ADAMTS9: variants seen among roughly 807,000 people sequenced by gnomAD.
ADAMTS9 encodes ADAM metallopeptidase with thrombospondin type 1 motif 9.
A neutral mutation model predicts 257.1 loss-of-function variants in ADAMTS9; 107 were observed. The observed-to-expected ratio is 0.42, with a 90% CI of 0.36 to 0.49. The LOEUF (loss-of-function observed/expected upper bound fraction) is 0.49, where lower values mean the gene tolerates loss of function less well. Ranked by LOEUF, ADAMTS9 falls within the 20% of genes least tolerant of loss-of-function variation. The probability of loss-of-function intolerance (pLI) is 0.03; values close to 1 mark genes in which losing one functional copy is unlikely to be tolerated. For missense variants in ADAMTS9, 2,353 were observed against 2,469.1 expected (o/e 0.95, Z 1.00); for synonymous variants, 982 against 880.9 (o/e 1.11, Z -2.03).
chr3:64,539,284 T>C lies in ADAMTS9; in HGVS notation c.5532A>G (p.Leu1844=). Reference sequence around the variant, plus strand: ...GTCCTTCGCTTGTCCTTGCAAACTGTAAGTCAGTGGCTGTGGGGTGGAGAA... The same window carrying C: ...GTCCTTCGCTTGTCCTTGCAAACTGCAAGTCAGTGGCTGTGGGGTGGAGAA... ...LTSMQIITTD[L]QFARTSEGHP... is the part of the protein sequence containing the mutation. Residue 1844 remains leucine (L), a synonymous_variant, in exon 37 of 40, where the codon TTA becomes TTG. Coordinates refer to ENST00000498707, the MANE Select transcript of ADAMTS9 (RefSeq NM_182920.2). 1.2e-6 allele frequency: 2 copies of C among 1,613,776 alleles called. No homozygotes were observed. Among genetic ancestry groups the C allele is most frequent in the Non-Finnish European group, 1.7e-6 (2 of 1,179,860 alleles).
chr3:64,619,476 T>G (rs1175547938), intron 19 of ADAMTS9, among the ~76,000 whole-genome samples: 1 of 152,154 alleles, frequency 6.6e-6, no homozygotes, highest in Non-Finnish European at 1.5e-5. Flanking sequence ...CACTAACTCG[T>G]TGTGTGAGCT....
At chr3:64,570,786 A>T (rs1007974402) in intron 28 of ADAMTS9, among the ~76,000 whole-genome samples, 1 of 150,642 alleles carries the variant, frequency 6.6e-6, no homozygotes, top group East Asian at 2.0e-4. Context: ...GGGCAGTATC[A>T]GGGATAACTT....
chr3:64,559,579 C>T (rs2083386578), intron 30 of ADAMTS9, among the ~76,000 whole-genome samples: 1 of 152,150 alleles, frequency 6.6e-6, no homozygotes, highest in Non-Finnish European at 1.5e-5. Context: ...AGGCCCAGGC[C>T]AGGTTATCTC....
chr3:64,581,197 T>C (rs914252500), intron 28 of ADAMTS9, among the ~76,000 whole-genome samples: 1 of 152,102 alleles, frequency 6.6e-6, no homozygotes, highest in Non-Finnish European at 1.5e-5. Flanking sequence ...ATTTGGCCAA[T>C]TGCAAATGGG....
In ADAMTS9 at chr3:64,596,840, T is replaced by C. The variant is rs753062307; in HGVS notation, c.4169A>G (p.Asn1390Ser). ...SGPCPQWAYG[N>S]WGECTKLCGG... ...ATAGTTCACTCTCACCTCTCCCCAG[T>C]TGCCATAAGCCCACTGAGGACAAGG... is the stretch of plus-strand genomic sequence containing the variant. The change falls in exon 27 of 40, where the codon AAC becomes AGC. Residue 1390 changes from asparagine (N) to serine (S), a missense_variant. By Grantham distance (46) the Asn-to-Ser change is conservative (BLOSUM62 1). Around this residue, in one of 3 missense-constraint regions of ADAMTS9, gnomAD observed 1,402 missense variants for 1,441.4 expected, o/e 0.97. Coordinates refer to ENST00000498707, the MANE Select transcript of ADAMTS9 (RefSeq NM_182920.2). The C allele has an allele frequency of 6.2e-6, 10 of 1,613,876 alleles. No individual in the cohort carries two copies. The highest frequency in any genetic ancestry group is 3.3e-5 in the Admixed American group (2 of 59,996).
At chr3:64,623,550 T>C (rs1368145744) in intron 16 of ADAMTS9, among the ~76,000 whole-genome samples, 1 of 152,196 alleles carries the variant, frequency 6.6e-6, no homozygotes, top group Non-Finnish European at 1.5e-5. Context: ...ATTCCTTACA[T>C]GAGAAACTGA....
intron 8 of ADAMTS9, 95 bp from the exon 9 acceptor site, chr3:64,651,258 A>G (rs1700925106): frequency 1.8e-6 from 2 of 1,120,068 alleles, no homozygotes; most frequent in Non-Finnish European, 2.5e-6. Context: ...AAGAGAAAAA[A>G]ATTTAACTTC....
chr3:64,661,979 T>G (rs113787903), intron 3 of ADAMTS9, among the ~76,000 whole-genome samples: 84 of 151,982 alleles, frequency 5.5e-4, no homozygotes, highest in African/African-American at 2.0e-3. Flanking sequence ...TTTAACTTGC[T>G]CTTTTCTTTC....
chr3:64,636,776 T>C (rs1322721037), intron 12 of ADAMTS9, among the ~76,000 whole-genome samples: 16 of 152,316 alleles, frequency 1.1e-4, no homozygotes, highest in Admixed American at 5.9e-4. Flanking sequence ...CACACCCACA[T>C]TGTCTGTTTG....
intron 3 of ADAMTS9, 70 bp from the exon 4 acceptor site, chr3:64,658,861 C>T (rs1240453946): frequency 2.7e-6 from 4 of 1,477,850 alleles, no homozygotes; most frequent in East Asian, 2.3e-5. Context: ...TTTAATTTGA[C>T]ACATTTTAAA....
At chr3:64,532,852 T>G (rs1461506934) in intron 38 of ADAMTS9, among the ~76,000 whole-genome samples, 1 of 152,154 alleles carries the variant, frequency 6.6e-6, no homozygotes, top group Non-Finnish European at 1.5e-5. Flanking sequence ...GAAAGATATC[T>G]GAGCCACACT....
intron 12 of ADAMTS9, among the ~76,000 whole-genome samples, chr3:64,634,711 A>T (rs1452910184): frequency 6.6e-6 from 1 of 152,146 alleles, no homozygotes; most frequent in Non-Finnish European, 1.5e-5. Context: ...GTTGGGGCTC[A>T]CTCACCCAGG....
intron 19 of ADAMTS9, among the ~76,000 whole-genome samples, chr3:64,619,624 T>C (rs1700056528): frequency 6.6e-6 from 1 of 152,184 alleles, no homozygotes; most frequent in Non-Finnish European, 1.5e-5. Context: ...GATAATGGGA[T>C]AATATAAGAA....
In ADAMTS9 at chr3:64,686,934, G is replaced by T; in HGVS notation, c.150C>A (p.Ile50=). 1 of 1,614,182 alleles carries T rather than the reference G, an allele frequency of 6.2e-7. No individual in the cohort carries two copies. The highest frequency in any genetic ancestry group is 1.1e-5 in the South Asian group (1 of 91,076). The change falls in exon 2 of 40, where the codon ATC becomes ATA. Residue 50 remains isoleucine, a synonymous_variant. Transcript: ENST00000498707. The surrounding 1 kb of genome is among the most constrained non-coding windows in gnomAD (Gnocchi z 4.6). ...GAGCGTTCACTCGGATGGGAGACAC[G>T]ATTTCGTATTCGCTCAGGGTCTCTA... ...KLLETLSEYE[I]VSPIRVNALG...
At chr3:64,642,446 GGA>G (rs199569385) in intron 11 of ADAMTS9, among the ~76,000 whole-genome samples, 5,979 of 151,000 alleles carry the variant, frequency 0.04, 355 homozygotes, top group African/African-American at 0.13. Flanking sequence ...TGGAGAGGGG[GGA>G]AAAAAAAAGC....
rs561280744 is a variant in ADAMTS9 at position 64,598,926 on chromosome 3, G to A, written c.4018-1935C>T. 3.3e-5 allele frequency among the ~76,000 whole-genome samples: 5 copies of A among 152,222 alleles called. No individual in the cohort carries two copies. In the East Asian group the frequency reaches 9.7e-4, roughly 29 times the overall value. ...TTCCATAGTGCTGGTCACAGGATTT[G>A]CTACCTGGTCCAGTTAAAGATTCTG... is the stretch of plus-strand genomic sequence containing the variant. On this transcript the variant is annotated intron_variant, in intron 26 of 39. Transcript: ENST00000498707.
chr3:64,550,858 G>T, intron 31 of ADAMTS9, 34 bp downstream of exon 31: 1 of 1,612,070 alleles, frequency 6.2e-7, no homozygotes, highest in Non-Finnish European at 8.5e-7. Flanking sequence ...GGCCATGGCT[G>T]AGCTGACGAT....
chr3:64,655,985 G>C (rs540254162), intron 4 of ADAMTS9, 110 bp from the exon 5 acceptor site: 15 of 619,896 alleles, frequency 2.4e-5, no homozygotes, highest in African/African-American at 2.2e-4. Flanking sequence ...TGCAACATAT[G>C]CATTTTGTGG....
intron 14 of ADAMTS9, 37 bp from the exon 15 acceptor site, chr3:64,631,962 T>C (rs776192769): frequency 2.1e-6 from 3 of 1,452,780 alleles, no homozygotes; most frequent in Non-Finnish European, 2.9e-6. Flanking sequence ...AATGTAAGCA[T>C]TATAGAGATT....
Sources: allele counts gnomAD v4.1 joint callset (sites outside exome capture counted in the v4.1 genomes callset), GRCh38; gene constraint gnomAD v4.1.1; regional missense constraint gnomAD v4.1.1; non-coding constraint Gnocchi (gnomAD v3.1); transcripts MANE v1.5; gene names NCBI Gene and HGNC (gene_info 2026-07-23, HGNC 2026-07-21).